PTPRT: variants seen among roughly 807,000 people sequenced by gnomAD.
The protein encoded by PTPRT is protein tyrosine phosphatase receptor type T.
PTPRT carries 56 observed loss-of-function variants against 176.8 expected under a neutral mutation model. The observed-to-expected ratio is 0.32, with a 90% confidence interval of 0.26 to 0.40. The LOEUF is 0.40. Ranked by LOEUF, PTPRT falls within the 10% of genes least tolerant of loss-of-function variation. The pLI is 1.00. For missense variants in PTPRT, 1,540 were observed against 1,908.2 expected, an observed-to-expected ratio of 0.81 and a Z score of 3.60; for synonymous variants, 783 against 739.0, an observed-to-expected ratio of 1.06 and a Z score of -0.96.
At chr20:42,738,850 T>C (rs987549723) in intron 6 of PTPRT, among the ~76,000 whole-genome samples, 24 of 152,138 alleles carry the variant, frequency 1.6e-4, no homozygotes, top group African/African-American at 5.3e-4. Flanking sequence ...GGTGGGCACA[T>C]TGCTTGAGCT....
intron 2 of PTPRT, among the ~76,000 whole-genome samples, chr20:42,883,833 C>G (rs2079057564): frequency 1.2e-4 from 1 of 8,106 alleles, no homozygotes; most frequent in Middle Eastern, 0.05. Flanking sequence ...CACACACACA[C>G]CCCCATACAC....
intron 6 of PTPRT, among the ~76,000 whole-genome samples, chr20:42,693,862 C>T (rs955434310): frequency 2.0e-4 from 30 of 152,122 alleles, no homozygotes; most frequent in African/African-American, 5.3e-4. Flanking sequence ...AGAACCACAA[C>T]CACCTCCCTC....
chr20:42,645,231 C>T (rs1445780976), intron 7 of PTPRT, among the ~76,000 whole-genome samples: 1 of 152,108 alleles, frequency 6.6e-6, no homozygotes, highest in Non-Finnish European at 1.5e-5. Context: ...TTTGAGTCTC[C>T]CTGAATGGAG....
At chr20:42,580,018 AG>A (rs2073341288) in intron 7 of PTPRT, among the ~76,000 whole-genome samples, 1 of 152,158 alleles carries the variant, frequency 6.6e-6, no homozygotes, top group African/African-American at 2.4e-5. Flanking sequence ...GTTTTCTCCT[AG>A]GGTTTTTATG....
chr20:43,136,113 C>G (rs1448096027), intron 1 of PTPRT, among the ~76,000 whole-genome samples: 1 of 152,184 alleles, frequency 6.6e-6, no homozygotes, highest in African/African-American at 2.4e-5. Flanking sequence ...GCTATTTAAT[C>G]ACCTGTTGCT....
intron 1 of PTPRT, among the ~76,000 whole-genome samples, chr20:42,922,267 C>T (rs1979196989): frequency 1.3e-5 from 2 of 152,092 alleles, no homozygotes; most frequent in Admixed American, 6.6e-5. Flanking sequence ...CCATGCTGGA[C>T]TCTCTCCCTC....
intron 23 of PTPRT, among the ~76,000 whole-genome samples, chr20:42,108,160 G>A (rs927834483): frequency 1.3e-5 from 2 of 152,150 alleles, no homozygotes; most frequent in African/African-American, 4.8e-5. Context: ...CGGTGACCAA[G>A]TTGCCTAGTG....
chr20:42,698,990 C>T (rs1201817103), intron 6 of PTPRT, among the ~76,000 whole-genome samples: 2 of 152,186 alleles, frequency 1.3e-5, no homozygotes, highest in South Asian at 4.1e-4. Context: ...AAACAACTAA[C>T]AACGATGTAG....
At chr20:42,465,636 T>C (rs773184557) in intron 8 of PTPRT, among the ~76,000 whole-genome samples, 1 of 152,126 alleles carries the variant, frequency 6.6e-6, no homozygotes, top group African/African-American at 2.4e-5. Context: ...CAAAAAGAAC[T>C]CTAAGAAAGA....
At chr20:42,215,970 T>C (rs746160490) in intron 15 of PTPRT, among the ~76,000 whole-genome samples, 1 of 152,234 alleles carries the variant, frequency 6.6e-6, no homozygotes, top group Non-Finnish European at 1.5e-5. Flanking sequence ...CTGTCTGCTA[T>C]ATCCCAACAA....
rs113885951 is a variant in PTPRT, at chr20:42,863,033, C to T, written c.214+22774G>A. The stretch of plus-strand genomic sequence containing the variant: ...AATGGGGTAAGGCAGACTTGTACTC[C>T]CATTCACACTTGCCAGAGAAAGAGA... On this transcript the variant is annotated intron_variant, in intron 2 of 30. Coordinates refer to ENST00000373187, the MANE Select transcript of PTPRT (RefSeq NM_007050.6). Among the ~76,000 whole-genome samples, 419 of 152,222 alleles carry T rather than the reference C, an allele frequency of 2.8e-3. 1 individual carries two copies. The highest frequency in any genetic ancestry group is 9.3e-3 in the African/African-American group (387 of 41,510).
chr20:42,301,189 A>T (rs896873291), intron 12 of PTPRT, among the ~76,000 whole-genome samples: 1 of 152,236 alleles, frequency 6.6e-6, no homozygotes, highest in African/African-American at 2.4e-5. Flanking sequence ...AATCAAAGTT[A>T]ATGTCACCAG....
At chr20:42,642,711 G>T (rs1379704271) in intron 7 of PTPRT, among the ~76,000 whole-genome samples, 2 of 152,136 alleles carry the variant, frequency 1.3e-5, no homozygotes, top group African/African-American at 4.8e-5. Context: ...TAGTTAGTGG[G>T]AGAGCAGGAT....
chr20:43,185,762 G>A (rs376546322), intron 1 of PTPRT, among the ~76,000 whole-genome samples: 11 of 152,084 alleles, frequency 7.2e-5, no homozygotes, highest in Admixed American at 3.3e-4. Context: ...GTGAAACCCC[G>A]TCTCTATAAA....
chr20:42,841,102 A>T (rs2078270147), intron 2 of PTPRT, among the ~76,000 whole-genome samples: 1 of 151,856 alleles, frequency 6.6e-6, no homozygotes, highest in African/African-American at 2.4e-5. Flanking sequence ...TCAAAACCCC[A>T]CTGCTAGCTG....
chr20:42,882,675 A>G (rs1458757216), intron 2 of PTPRT, among the ~76,000 whole-genome samples: 1 of 152,234 alleles, frequency 6.6e-6, no homozygotes, highest in Admixed American at 6.5e-5. Flanking sequence ...TTTAGTACAT[A>G]GGATGTCTGA....
At chr20:42,401,139 A>ATAAAT (rs2058902745) in intron 9 of PTPRT, among the ~76,000 whole-genome samples, 1 of 125,646 alleles carries the variant, frequency 8.0e-6, no homozygotes, top group African/African-American at 4.4e-5. Flanking sequence ...ACAGTAATAA[A>ATAAAT]TAAATAAATA....
In PTPRT at chr20:43,078,616, G is replaced by A. The variant is rs1454388292; in HGVS notation, c.88+111030C>T. Among the ~76,000 whole-genome samples the A allele has an allele frequency of 2.0e-5, 3 of 152,134 alleles. No individual in the cohort carries two copies. The East Asian group carries it at 5.8e-4, about 29-fold the overall frequency. ...CACGGAGGGCTGGGAAACAACAAAT[G>A]CCATAGGGAAAGCAACAAAAATCTA... On this transcript the variant is annotated intron_variant, in intron 1 of 30. Transcript: ENST00000373187.
intron 16 of PTPRT, among the ~76,000 whole-genome samples, chr20:42,175,737 G>C (rs924990339): frequency 6.6e-6 from 1 of 152,156 alleles, no homozygotes; most frequent in Non-Finnish European, 1.5e-5. Context: ...TAAATATTGG[G>C]AGGAAAGGGA....
Sources: allele counts gnomAD v4.1 joint callset (sites outside exome capture counted in the v4.1 genomes callset), GRCh38; gene constraint gnomAD v4.1.1; transcripts MANE v1.5; gene names NCBI Gene and HGNC (gene_info 2026-07-23, HGNC 2026-07-21).